The following KIAA1549L variants were observed in gnomAD, a reference collection of about 807,000 sequenced individuals.
The protein encoded by KIAA1549L is UPF0606 protein KIAA1549L.
In KIAA1549L, 88 loss-of-function variants were observed where a neutral mutation model predicts 160.7. The ratio of observed to expected loss-of-function variants is 0.55; its 90% CI spans 0.46 to 0.65. KIAA1549L has a LOEUF of 0.65. Among genes scored for constraint, KIAA1549L ranks in the 30% least tolerant of loss-of-function variants. KIAA1549L has a pLI of 0.00. For synonymous variants in KIAA1549L, 950 were observed against 976.7 expected (o/e 0.97, Z 0.51); for missense variants, 2,258 against 2,437.5 (o/e 0.93, Z 1.55).
rs1294995042 is a variant in KIAA1549L at position 33,430,253 on chromosome 11, T to TCTCC, written c.238+53376_238+53379dup. 4.7e-4 allele frequency among the ~76,000 whole-genome samples: 34 copies of TCTCC among 71,876 alleles called. 1 individual carries two copies. Among genetic ancestry groups the TCTCC allele is most frequent in the Middle Eastern group, 0.026 (2 of 78 alleles). 47.2% of individuals were successfully genotyped at this position (71,876 alleles called of 152,430 possible). A position where few individuals can be genotyped will look rare whatever the true frequency, so the allele number is the denominator to read the frequency against. On this transcript the variant is annotated intron_variant, in intron 1 of 20. Coordinates refer to ENST00000658780, the MANE Select transcript of KIAA1549L (RefSeq NM_012194.3). ...TCATCCTTCCCTCCCTCCCTCCCTC[T>TCTCC]CTCCCTCCCTCCCTCTCTCCCTCCA... is the stretch of plus-strand genomic sequence containing the variant.
chr11:33,392,970 A>C (rs945248876), intron 1 of KIAA1549L, among the ~76,000 whole-genome samples: 1 of 152,098 alleles, frequency 6.6e-6, no homozygotes. Context: ...CCAAAGCTGC[A>C]TCTCCTAATT....
intron 3 of KIAA1549L, among the ~76,000 whole-genome samples, chr11:33,547,330 T>C (rs1418697081): frequency 6.6e-6 from 1 of 152,234 alleles, no homozygotes; most frequent in Non-Finnish European, 1.5e-5. Context: ...AAATACCTGT[T>C]CTCTGTCCTT....
At chr11:33,550,133 A>G (rs926060971) in intron 4 of KIAA1549L, among the ~76,000 whole-genome samples, 2 of 152,070 alleles carry the variant, frequency 1.3e-5, no homozygotes, top group Admixed American at 6.5e-5. Context: ...GCTGTACACC[A>G]TTATGAATGT....
intron 12 of KIAA1549L, among the ~76,000 whole-genome samples, chr11:33,593,261 C>T (rs1267047717): frequency 6.6e-6 from 1 of 152,088 alleles, no homozygotes; most frequent in African/African-American, 2.4e-5. Context: ...AAGACCTCGT[C>T]TCTACAAAAT....
At chr11:33,572,833 T>C (rs988108950) in intron 9 of KIAA1549L, among the ~76,000 whole-genome samples, 6 of 152,206 alleles carry the variant, frequency 3.9e-5, no homozygotes, top group African/African-American at 1.2e-4. Context: ...GAATTGCTGG[T>C]TCTTAGGGTT....
intron 1 of KIAA1549L, among the ~76,000 whole-genome samples, chr11:33,530,080 C>T (rs1853703749): frequency 6.6e-6 from 1 of 151,922 alleles, no homozygotes; most frequent in South Asian, 2.1e-4. Flanking sequence ...GGGCCATTAG[C>T]ATCAAATAGT....
At chr11:33,619,171 G>T (rs1355889816) in intron 16 of KIAA1549L, among the ~76,000 whole-genome samples, 1 of 152,204 alleles carries the variant, frequency 6.6e-6, no homozygotes, top group Non-Finnish European at 1.5e-5. Context: ...CCAAGCTGCA[G>T]AAATTATTTT....
chr11:33,627,708 C>G (rs1363532571), intron 16 of KIAA1549L, among the ~76,000 whole-genome samples: 2 of 152,078 alleles, frequency 1.3e-5, no homozygotes, highest in East Asian at 1.9e-4. Context: ...CAAAATCTAT[C>G]AATTTTGTTG....
At chr11:33,487,691 C>G (rs1302677236) in intron 1 of KIAA1549L, among the ~76,000 whole-genome samples, 1 of 152,092 alleles carries the variant, frequency 6.6e-6, no homozygotes, top group Non-Finnish European at 1.5e-5. Flanking sequence ...TTTAATTAGT[C>G]TGAGGTGGGA....
At chr11:33,439,569 ATTTTT>A (rs34456047) in intron 1 of KIAA1549L, among the ~76,000 whole-genome samples, 3 of 123,986 alleles carry the variant, frequency 2.4e-5, no homozygotes, top group Admixed American at 8.4e-5. Flanking sequence ...TGCCCGGCTA[ATTTTT>A]TTTTTTTTTT....
chr11:33,389,506 A>AT (rs1850232355), intron 1 of KIAA1549L, among the ~76,000 whole-genome samples: 1 of 152,232 alleles, frequency 6.6e-6, no homozygotes, highest in South Asian at 2.1e-4. Flanking sequence ...GTGAAAGTGT[A>AT]TTAAAAAATC....
intron 1 of KIAA1549L, among the ~76,000 whole-genome samples, chr11:33,418,036 C>T (rs1850923415): frequency 6.6e-6 from 1 of 152,208 alleles, no homozygotes; most frequent in Non-Finnish European, 1.5e-5. Flanking sequence ...ACCTCAGCCT[C>T]CCAAAGTGCT....
intron 1 of KIAA1549L, among the ~76,000 whole-genome samples, chr11:33,487,059 C>G (rs1226928408): frequency 6.6e-6 from 1 of 152,198 alleles, no homozygotes; most frequent in African/African-American, 2.4e-5. Context: ...TTCACTCAAT[C>G]ATAAATTGCA....
At chr11:33,532,497 C>T (rs1471090938) in intron 1 of KIAA1549L, among the ~76,000 whole-genome samples, 1 of 152,170 alleles carries the variant, frequency 6.6e-6, no homozygotes, top group African/African-American at 2.4e-5. Context: ...TAAAACCATT[C>T]GTGAGGTAAG....
chr11:33,431,519 G>A (rs1313323592), intron 1 of KIAA1549L, among the ~76,000 whole-genome samples: 2 of 152,134 alleles, frequency 1.3e-5, no homozygotes, highest in African/African-American at 2.4e-5. Context: ...ATAGAGTGTC[G>A]ATTGGTGCAC....
intron 15 of KIAA1549L, among the ~76,000 whole-genome samples, chr11:33,617,394 A>G (rs117890846): frequency 0.036 from 5,407 of 152,282 alleles, 126 homozygotes; most frequent in Non-Finnish European, 0.056. Context: ...AGATTTTTCT[A>G]ATGACAAGTG....
intron 1 of KIAA1549L, among the ~76,000 whole-genome samples, chr11:33,408,700 A>C (rs1372292704): frequency 6.7e-6 from 1 of 149,942 alleles, no homozygotes; most frequent in Non-Finnish European, 1.5e-5. Flanking sequence ...CTTTAAGATT[A>C]AGTGTTCTAC....
intron 1 of KIAA1549L, among the ~76,000 whole-genome samples, chr11:33,430,886 G>A (rs1035331019): frequency 6.6e-6 from 1 of 152,226 alleles, no homozygotes; most frequent in Non-Finnish European, 1.5e-5. Flanking sequence ...ACTGTGTCCG[G>A]AATTGGTGGG....
Position 33,618,513 on chromosome 11 carries a change from A to C in KIAA1549L, c.5280-20A>C, listed in dbSNP as rs767238646. 1.9e-6 allele frequency: 3 copies of C among 1,594,944 alleles called. No homozygotes were observed. The highest frequency in any genetic ancestry group is 2.7e-5 in the African/African-American group (2 of 74,564). On this transcript the variant is annotated intron_variant, in intron 15 of 20. Transcript: ENST00000658780. ...GTCAGGGCATTTGCTGCATCATAAC[A>C]GTTGTTGAATTTTCTTCAGGCAACA... is the stretch of plus-strand genomic sequence containing the variant.
Sources: allele counts gnomAD v4.1 joint callset (sites outside exome capture counted in the v4.1 genomes callset), GRCh38; gene constraint gnomAD v4.1.1; transcripts MANE v1.5; gene names NCBI Gene and HGNC (gene_info 2026-07-23, HGNC 2026-07-21).